Variants in FANK1 observed in about 807,000 individuals in gnomAD.
FANK1 encodes the protein fibronectin type III and ankyrin repeat domains 1, also known as fibronectin type 3 and ankyrin repeat domains protein 1.
A neutral mutation model predicts 45.3 loss-of-function variants in FANK1; 44 were observed. That is an observed-to-expected ratio of 0.97 (90% CI 0.76 to 1.25). The LOEUF (loss-of-function observed/expected upper bound fraction) is 1.25. Ranked by LOEUF, FANK1 falls within the 50% of genes most tolerant of loss-of-function variation. FANK1 has a pLI of 0.00. For synonymous variants in FANK1, 149 were observed against 152.5 expected (o/e 0.98, Z 0.17); for missense variants, 391 against 424.4 (o/e 0.92, Z 0.69).
chr10:125,953,426 AG>A (rs1171263281), intron 1 of FANK1, among the ~76,000 whole-genome samples: 1 of 152,162 alleles, frequency 6.6e-6, no homozygotes, highest in East Asian at 1.9e-4. Flanking sequence ...CTGATCAGGG[AG>A]GTGGTGTGGG....
intron 2 of FANK1, among the ~76,000 whole-genome samples, chr10:125,985,492 T>G (rs898568587): frequency 1.3e-5 from 2 of 152,258 alleles, no homozygotes; most frequent in Non-Finnish European, 2.9e-5. Flanking sequence ...GTTTTAGAGC[T>G]TTTACTTTTA....
chr10:125,940,453 G>GAGT (rs1435516558), intron 1 of FANK1, among the ~76,000 whole-genome samples: 1 of 152,176 alleles, frequency 6.6e-6, no homozygotes, highest in Non-Finnish European at 1.5e-5. Flanking sequence ...GTGTAGTAAA[G>GAGT]AGTAACAGAG....
intron 1 of FANK1, among the ~76,000 whole-genome samples, chr10:125,932,286 T>C (rs1947803508): frequency 6.6e-6 from 1 of 152,178 alleles, no homozygotes; most frequent in Non-Finnish European, 1.5e-5. Context: ...GTAGATTGCT[T>C]TTGGCAGTAT....
At chr10:125,961,947 AAAAC>A (rs1363580557) in intron 1 of FANK1, among the ~76,000 whole-genome samples, 2 of 152,198 alleles carry the variant, frequency 1.3e-5, no homozygotes, top group Non-Finnish European at 2.9e-5. Flanking sequence ...TTGCCTCTAA[AAAAC>A]AAAAGCACAG....
chr10:125,901,196 C>T (rs1440556810), intron 1 of FANK1, among the ~76,000 whole-genome samples: 5 of 152,176 alleles, frequency 3.3e-5, no homozygotes, highest in African/African-American at 1.2e-4. Flanking sequence ...CTCTCCAAAC[C>T]TGTTTCTCCA....
At chr10:125,944,591 G>A (rs891801179) in intron 1 of FANK1, among the ~76,000 whole-genome samples, 8 of 152,132 alleles carry the variant, frequency 5.3e-5, no homozygotes, top group Non-Finnish European at 1.0e-4. Flanking sequence ...TGGCCCTAAC[G>A]CCCAAGCTGG....
intron 1 of FANK1, among the ~76,000 whole-genome samples, chr10:125,956,196 A>AT (rs138656926): frequency 0.37 from 33,324 of 89,524 alleles, 5,468 homozygotes; most frequent in South Asian, 0.52. Context: ...TCTATGATAC[A>AT]TTTTTTGGGG....
At chr10:125,923,440 G>A (rs1328740020) in intron 1 of FANK1, among the ~76,000 whole-genome samples, 5 of 151,440 alleles carry the variant, frequency 3.3e-5, no homozygotes, top group African/African-American at 4.9e-5. Context: ...CAGCCTGGGC[G>A]ACAGAATGAG....
In FANK1 at chr10:125,939,548, A is replaced by G. The variant is rs866003914; in HGVS notation, c.14-40613A>G. Among the ~76,000 whole-genome samples, 8 of 152,334 alleles carry G rather than the reference A, an allele frequency of 5.3e-5. No homozygotes were observed. The Middle Eastern group carries it at 0.01, about 194-fold the overall frequency. ...AATATTCTTTTATCTTTCTGTAGGT[A>G]TAGAATTTTTGAAATAAGTTAGAAC... is the stretch of plus-strand genomic sequence containing the variant. On this transcript the variant is annotated intron_variant, in intron 1 of 10. Coordinates refer to ENST00000368693, the MANE Select transcript of FANK1 (RefSeq NM_145235.5).
chr10:125,929,530 G>A (rs770865311), intron 1 of FANK1, among the ~76,000 whole-genome samples: 6 of 152,162 alleles, frequency 3.9e-5, no homozygotes, highest in Non-Finnish European at 2.9e-5. Context: ...GTCTACAGCT[G>A]CATATTTTGG....
At chr10:125,978,820 G>A (rs1265112575) in intron 1 of FANK1, among the ~76,000 whole-genome samples, 3 of 152,192 alleles carry the variant, frequency 2.0e-5, no homozygotes, top group Non-Finnish European at 4.4e-5. Flanking sequence ...GAGGTGCAGT[G>A]GAAGTGGGGG....
intron 1 of FANK1, among the ~76,000 whole-genome samples, chr10:125,901,991 C>T (rs150337832): frequency 1.1e-4 from 17 of 152,086 alleles, no homozygotes; most frequent in African/African-American, 3.9e-4. Flanking sequence ...TGGTGTTGCA[C>T]GCCTGTAATC....
intron 1 of FANK1, among the ~76,000 whole-genome samples, chr10:125,910,310 T>G (rs570980360): frequency 3.3e-5 from 5 of 152,316 alleles, no homozygotes; most frequent in Admixed American, 2.6e-4. Flanking sequence ...TTTTTTACAC[T>G]TTGTTTTCTT....
chr10:125,988,770 C>CTT, intron 3 of FANK1, 95 bp downstream of exon 3: 1 of 1,577,302 alleles, frequency 6.3e-7, no homozygotes, highest in Non-Finnish European at 8.7e-7. Flanking sequence ...TTGGCCTTAC[C>CTT]AGAAGCAGAA....
intron 3 of FANK1, 189 bp downstream of exon 3, chr10:125,988,864 T>C: frequency 1.2e-6 from 1 of 863,978 alleles, no homozygotes; most frequent in Non-Finnish European, 1.8e-6. Flanking sequence ...CTAATTATGC[T>C]TTCACAAACT....
intron 1 of FANK1, among the ~76,000 whole-genome samples, chr10:125,906,368 C>G (rs1423136284): frequency 6.6e-6 from 1 of 151,692 alleles, no homozygotes; most frequent in Non-Finnish European, 1.5e-5. Context: ...CTACAAAAAT[C>G]AGCTGGGCAT....
At chr10:125,914,931 A>G (rs1946328104) in intron 1 of FANK1, among the ~76,000 whole-genome samples, 1 of 152,248 alleles carries the variant, frequency 6.6e-6, no homozygotes, top group Non-Finnish European at 1.5e-5. Flanking sequence ...GCCCCATCTG[A>G]TCTGAGAGTG....
intron 1 of FANK1, chr10:125,972,434 A>G (rs1304866447): frequency 2.6e-5 from 4 of 152,164 alleles, no homozygotes; most frequent in African/African-American, 9.7e-5. Context: ...TTTATCAAAG[A>G]GAAAGTAGAA....
intron 2 of FANK1, among the ~76,000 whole-genome samples, chr10:125,985,812 T>C (rs1951517717): frequency 6.6e-6 from 1 of 152,330 alleles, no homozygotes; most frequent in South Asian, 2.1e-4. Flanking sequence ...GCTTCACCCA[T>C]GTGTGATGCA....
Sources: gnomAD v4.1 joint callset for allele counts (sites outside exome capture counted in the v4.1 genomes callset) on GRCh38, gnomAD v4.1.1 for gene constraint, MANE v1.5 for transcripts, NCBI Gene and HGNC (gene_info 2026-07-23, HGNC 2026-07-21) for gene names.